The following NFIB variants were observed in gnomAD, a reference collection of about 807,000 sequenced individuals.
NFIB encodes the protein nuclear factor 1 B-type.
A neutral mutation model predicts 61.5 loss-of-function variants in NFIB; 11 were observed. The observed-to-expected ratio is 0.18, with a 90% confidence interval of 0.11 to 0.30. The LOEUF (loss-of-function observed/expected upper bound fraction) is 0.30. Among genes scored for constraint, NFIB ranks in the 10% least tolerant of loss-of-function variants. The probability of loss-of-function intolerance (pLI) is 1.00; values close to 1 mark genes in which losing one functional copy is unlikely to be tolerated. For synonymous variants in NFIB, 260 were observed against 216.5 expected, an observed-to-expected ratio of 1.20 and a Z score of -1.76; for missense variants, 471 against 608.9, an observed-to-expected ratio of 0.77 and a Z score of 2.38.
chr9:14,526,707 T>C, the NFIB span, among the ~76,000 whole-genome samples: 6 of 152,218 alleles, frequency 3.9e-5, no homozygotes, highest in African/African-American at 1.4e-4. Context: ...AAAATAGTGA[T>C]TGACATCATT....
intron 1 of NFIB, chr9:14,322,308 T>C (rs923141272): frequency 6.0e-5 from 18 of 299,258 alleles, no homozygotes; most frequent in Admixed American, 2.6e-4. Context: ...TGTGTGTGTG[T>C]GCGCCCGCGT....
At chr9:14,385,836 G>A (rs1224810056) in intron 1 of NFIB, among the ~76,000 whole-genome samples, 1 of 149,994 alleles carries the variant, frequency 6.7e-6, no homozygotes, top group South Asian at 2.1e-4. Flanking sequence ...AGGCTGGAGT[G>A]CAGTGGTGCA....
At chr9:14,469,567 C>A in the NFIB span, among the ~76,000 whole-genome samples, 1 of 152,138 alleles carries the variant, frequency 6.6e-6, no homozygotes, top group East Asian at 1.9e-4. Context: ...CATGCATGCT[C>A]CTAAATCCTT....
rs553355763 is a variant in NFIB at position 14,112,019 on chromosome 9, G to A, written c.1467+980C>T. On this transcript the variant is annotated intron_variant, in intron 10 of 10. Transcript: ENST00000380953. ...GAACAGATCAAGAATGAAGTAAGTG[G>A]GCAAAAGTATCTTACTACCTACACA... is the stretch of plus-strand genomic sequence containing the variant. Among the ~76,000 whole-genome samples the A allele has an allele frequency of 2.6e-5, 4 of 152,142 alleles. No individual in the cohort carries two copies. In the South Asian group the frequency reaches 8.3e-4, roughly 32 times the overall value.
intron 2 of NFIB, among the ~76,000 whole-genome samples, chr9:14,188,794 T>C (rs1175374080): frequency 6.6e-6 from 1 of 152,212 alleles, no homozygotes; most frequent in Non-Finnish European, 1.5e-5. Context: ...ATTTCAGCTA[T>C]ACTATGTAAT....
chr9:14,503,363 C>A, the NFIB span, among the ~76,000 whole-genome samples: 1 of 152,088 alleles, frequency 6.6e-6, no homozygotes, highest in East Asian at 1.9e-4. Flanking sequence ...TAAGGAATCT[C>A]CACACTGTTT....
In NFIB at chr9:14,087,165, G is replaced by C. The variant is rs1484940028; in HGVS notation, c.*1144C>G. On this transcript the variant is annotated 3_prime_UTR_variant, in exon 11 of 11. Transcript: ENST00000380953. The stretch of plus-strand genomic sequence containing the variant: ...CCTTTTGTACACCCTATGGGTTCTT[G>C]ATGCAACCAGTAATTTTAAATAAAT... 1 of 200,378 alleles carries C rather than the reference G, an allele frequency of 5.0e-6. No individual in the cohort carries two copies. Among genetic ancestry groups the C allele is most frequent in the African/African-American group, 2.3e-5 (1 of 43,394 alleles). The allele number at this position is 200,378 out of a possible 1,614,324, so 12.4% of individuals were successfully genotyped here. A position where few individuals can be genotyped will look rare whatever the true frequency, so the allele number is the denominator to read the frequency against.
At chr9:14,424,956 T>C in the NFIB span, among the ~76,000 whole-genome samples, 1 of 152,246 alleles carries the variant, frequency 6.6e-6, no homozygotes, top group African/African-American at 2.4e-5. Flanking sequence ...GGAAAGTGAA[T>C]TGATCAGCTC....
At chr9:14,502,717 T>G in the NFIB span, among the ~76,000 whole-genome samples, 1 of 152,190 alleles carries the variant, frequency 6.6e-6, no homozygotes, top group African/African-American at 2.4e-5. Context: ...TATTTTTATT[T>G]TTTAATTAAT....
In NFIB at chr9:14,116,254, C is replaced by G. The variant is rs2038116838; in HGVS notation, c.1338G>C (p.Val446=). The change falls in exon 9 of 11, where the codon GTG becomes GTC. Residue 446 remains valine (V), a synonymous_variant. Transcript: ENST00000380953. ...PSPHPSAVRP[V]TLSMTDTKPI... ...GTTTAGTATCTGTCATGCTCAGGGTCACAGGTCGCACTGCACTGGGATGGG... is the reference window on the plus strand; with the variant it reads ...GTTTAGTATCTGTCATGCTCAGGGTGACAGGTCGCACTGCACTGGGATGGG... The G allele has an allele frequency of 6.5e-7, 1 of 1,538,518 alleles. No homozygotes were observed. The highest frequency in any genetic ancestry group is 1.4e-5 in the African/African-American group (1 of 72,774).
chr9:14,170,817 G>A (rs2045483538), intron 3 of NFIB, among the ~76,000 whole-genome samples: 2 of 152,106 alleles, frequency 1.3e-5, no homozygotes, highest in Non-Finnish European at 2.9e-5. Flanking sequence ...GAAAAATATA[G>A]GTTATAGCAA....
intron 3 of NFIB, among the ~76,000 whole-genome samples, chr9:14,171,725 T>C (rs928183002): frequency 1.4e-4 from 22 of 152,104 alleles, no homozygotes; most frequent in African/African-American, 5.3e-4. Context: ...AACCCAAGTC[T>C]GGTAAAATAA....
chr9:14,384,777 C>T (rs967307858), intron 1 of NFIB, among the ~76,000 whole-genome samples: 1 of 152,088 alleles, frequency 6.6e-6, no homozygotes, highest in African/African-American at 2.4e-5. Context: ...CTTTCATACC[C>T]TTTTCGTTTT....
At position 14,155,849 on chromosome 9, in the gene NFIB, A is replaced by C; in HGVS notation, c.661T>G (p.Ser221Ala). 6.3e-7 allele frequency: 1 copy of C among 1,587,690 alleles called. No individual in the cohort carries two copies. Residue 221 changes from serine (S) to alanine (A), a missense_variant, in exon 4 of 11, where the codon TCA (serine) becomes GCA (alanine). Ser to Ala is a moderately conservative substitution (Grantham distance 99). This residue lies in a region of NFIB where 372 missense variants were observed against 395.6 expected (regional missense o/e 0.94). Coordinates refer to ENST00000380953, the MANE Select transcript of NFIB (RefSeq NM_001190737.2). ...CTTCTGGATACTCTTACAAGTTCTG[A>C]TACATTGAAGACTCCAGATTTTACA... Reference protein sequence around the residue: ...SFVKSGVFNVSELVRVSRTPI... With the variant: ...SFVKSGVFNVAELVRVSRTPI...
At chr9:14,203,550 A>G (rs2131646274) in intron 2 of NFIB, among the ~76,000 whole-genome samples, 1 of 152,236 alleles carries the variant, frequency 6.6e-6, no homozygotes, top group Admixed American at 6.5e-5. Flanking sequence ...GCACGGAGCG[A>G]CTGCAGTTTT....
chr9:14,526,017 A>G, the NFIB span, among the ~76,000 whole-genome samples: 203 of 152,218 alleles, frequency 1.3e-3, no homozygotes, highest in African/African-American at 4.7e-3. Flanking sequence ...GACAGGTTGG[A>G]GCGACATGTA....
At chr9:14,363,879 T>C (rs1479205431) in intron 1 of NFIB, among the ~76,000 whole-genome samples, 1 of 152,192 alleles carries the variant, frequency 6.6e-6, no homozygotes, top group African/African-American at 2.4e-5. Flanking sequence ...AAACTTATCA[T>C]CTTTTTAATC....
At chr9:14,293,368 C>T (rs1472579421) in intron 2 of NFIB, among the ~76,000 whole-genome samples, 1 of 152,192 alleles carries the variant, frequency 6.6e-6, no homozygotes, top group Non-Finnish European at 1.5e-5. Context: ...CGCAATCTGT[C>T]CTAGAATTGA....
intron 6 of NFIB, among the ~76,000 whole-genome samples, chr9:14,130,265 G>A (rs1194664306): frequency 2.0e-5 from 3 of 151,972 alleles, no homozygotes; most frequent in Non-Finnish European, 2.9e-5. Flanking sequence ...CTTTTTCTTT[G>A]TTATTCCATT....
Sources: gnomAD v4.1 joint callset for allele counts (sites outside exome capture counted in the v4.1 genomes callset) on GRCh38, gnomAD v4.1.1 for gene constraint, gnomAD v4.1.1 regional missense constraint, MANE v1.5 for transcripts, NCBI Gene and HGNC (gene_info 2026-07-23, HGNC 2026-07-21) for gene names.